Variants in NDUFB6 observed in about 807,000 individuals in gnomAD.
NDUFB6 encodes NADH:ubiquinone oxidoreductase subunit B6, also known as NADH dehydrogenase [ubiquinone] 1 beta subcomplex subunit 6.
NDUFB6 carries 23 observed loss-of-function variants against 17.5 expected under a neutral mutation model. The ratio of observed to expected loss-of-function variants is 1.31; its 90% CI spans 0.94 to 1.86. The LOEUF (loss-of-function observed/expected upper bound fraction) is 1.86. Among genes scored for constraint, NDUFB6 ranks in the 40% most tolerant of loss-of-function variants. The pLI is 0.00. For missense variants in NDUFB6, 167 were observed against 153.8 expected, an observed-to-expected ratio of 1.09 and a Z score of -0.46; for synonymous variants, 60 against 53.5, an observed-to-expected ratio of 1.12 and a Z score of -0.53.
At position 32,553,034 on chromosome 9, in the gene NDUFB6, T is replaced by C. The variant is rs1467205139; in HGVS notation, c.*842A>G. ...CCAAGTTTATTTTTGCATTATCCTT[T>C]ATAACAAGCACTAGTATGCAAATTT... On this transcript the variant is annotated 3_prime_UTR_variant, in exon 4 of 4. Coordinates refer to ENST00000379847, the MANE Select transcript of NDUFB6 (RefSeq NM_002493.5). The C allele has an allele frequency of 3.5e-6, 2 of 573,256 alleles. No homozygotes were observed. The highest frequency in any genetic ancestry group is 3.3e-5 in the Admixed American group (1 of 30,666). The allele number at this position is 573,256 out of a possible 1,614,324, so 35.5% of individuals were successfully genotyped here.
chr9:32,568,912 A>G (rs1821881234), intron 2 of NDUFB6, among the ~76,000 whole-genome samples: 1 of 151,254 alleles, frequency 6.6e-6, no homozygotes, highest in African/African-American at 2.4e-5. Flanking sequence ...TACTACTCCC[A>G]GCTAATTTTT....
At chr9:32,567,320 T>C (rs892577415) in intron 2 of NDUFB6, 4 of 469,778 alleles carry the variant, frequency 8.5e-6, no homozygotes, top group Non-Finnish European at 1.8e-5. Context: ...CTCTGTGCCA[T>C]ATTTTGGTAA....
intron 3 of NDUFB6, among the ~76,000 whole-genome samples, 163 bp downstream of exon 3, chr9:32,558,746 GT>G (rs142936680): frequency 1.3e-5 from 2 of 150,774 alleles, no homozygotes; most frequent in Non-Finnish European, 3.0e-5. Flanking sequence ...ATTTCTTCCT[GT>G]TTTTTTTTGT....
intron 3 of NDUFB6, among the ~76,000 whole-genome samples, chr9:32,557,023 T>C: frequency 6.7e-6 from 1 of 150,282 alleles, no homozygotes; most frequent in East Asian, 2.0e-4. Flanking sequence ...AGCTAATTTT[T>C]GTATTTTTAT....
At position 32,553,579 on chromosome 9, in the gene NDUFB6, A is replaced by G. The variant is rs1244667685; in HGVS notation, c.*297T>C. The stretch of plus-strand genomic sequence containing the variant: ...TCACTGTTGCATACCCTGATACCAA[A>G]TTAGTGTAAGTACTGTGTAAGAAAA... On this transcript the variant is annotated 3_prime_UTR_variant, in exon 4 of 4. Coordinates refer to ENST00000379847, the MANE Select transcript of NDUFB6 (RefSeq NM_002493.5). The G allele has an allele frequency of 3.3e-6, 1 of 303,094 alleles. No individual in the cohort carries two copies. The highest frequency in any genetic ancestry group is 8.7e-5 in the East Asian group (1 of 11,512). 18.8% of individuals were successfully genotyped at this position (303,094 alleles called of 1,614,324 possible).
chr9:32,562,010 C>G (rs752082889), intron 2 of NDUFB6, among the ~76,000 whole-genome samples: 1 of 152,174 alleles, frequency 6.6e-6, no homozygotes, highest in Non-Finnish European at 1.5e-5. Context: ...CTTCCCATTG[C>G]CTATCACATG....
At chr9:32,557,136 G>A (rs1821482315) in intron 3 of NDUFB6, among the ~76,000 whole-genome samples, 1 of 147,898 alleles carries the variant, frequency 6.8e-6, no homozygotes, top group South Asian at 2.1e-4. Flanking sequence ...GGCATTACAG[G>A]TGTTAGCCAC....
At chr9:32,557,543 G>A (rs1587637931) in intron 3 of NDUFB6, among the ~76,000 whole-genome samples, 2 of 150,872 alleles carry the variant, frequency 1.3e-5, no homozygotes, top group East Asian at 2.0e-4. Context: ...GCAGTGCCAC[G>A]ATCTCAGCTC....
intron 3 of NDUFB6, among the ~76,000 whole-genome samples, chr9:32,558,409 C>A (rs1043900938): frequency 6.6e-6 from 1 of 152,124 alleles, no homozygotes; most frequent in Non-Finnish European, 1.5e-5. Context: ...CTGTGCCTGG[C>A]CCATAGTATA....
chr9:32,566,950 AG>A (rs2119028807), intron 2 of NDUFB6: 1 of 525,354 alleles, frequency 1.9e-6, no homozygotes, highest in Non-Finnish European at 3.6e-6. Context: ...TGAGGTGAGC[AG>A]CACCAGCTCG....
chr9:32,564,355 C>T (rs966881459), intron 2 of NDUFB6, among the ~76,000 whole-genome samples: 1 of 152,026 alleles, frequency 6.6e-6, no homozygotes, highest in Non-Finnish European at 1.5e-5. Context: ...TTGCACTTTG[C>T]TTTACTGCAC....
rs754587952 is a variant in NDUFB6 at position 32,572,907 on chromosome 9, C to A, written c.154G>T (p.Glu52Ter). The change falls in exon 1 of 4, where the codon GAG becomes TAG. Residue 52 changes from glutamate to a stop codon, truncating the protein, a stop_gained. Transcript: ENST00000379847. LOFTEE classifies it high-confidence loss of function. ...PMEKFWNKFL[E>*]NKSPWRKMVH... ...ATTTTCCTCCAAGGGGATTTATTCT[C>A]CAAAAATTTATTCCAGAATTTCTCC... 6.2e-7 allele frequency: 1 copy of A among 1,602,406 alleles called. No homozygotes were observed. The highest frequency in any genetic ancestry group is 1.1e-5 in the South Asian group (1 of 90,160).
chr9:32,562,064 T>C (rs866994535), intron 2 of NDUFB6, among the ~76,000 whole-genome samples: 13 of 152,314 alleles, frequency 8.5e-5, no homozygotes, highest in African/African-American at 2.9e-4. Flanking sequence ...TTCCATAAAT[T>C]GGTCCCAGGC....
At chr9:32,569,690 T>C (rs1226169350) in intron 2 of NDUFB6, among the ~76,000 whole-genome samples, 1 of 25,874 alleles carries the variant, frequency 3.9e-5, no homozygotes, top group Non-Finnish European at 1.0e-4. Context: ...TTTTTTTTTC[T>C]TTTTTTTTGG....
intron 3 of NDUFB6, among the ~76,000 whole-genome samples, chr9:32,556,407 G>A (rs1424949799): frequency 2.6e-5 from 4 of 152,188 alleles, no homozygotes; most frequent in Admixed American, 2.6e-4. Flanking sequence ...TATTCGATAG[G>A]CACGGCTGTA....
Position 32,553,908 on chromosome 9 carries a change from G to A in NDUFB6, c.355C>T (p.Pro119Ser). 1 of 1,599,362 alleles carries A rather than the reference G, an allele frequency of 6.3e-7. No homozygotes were observed. Among genetic ancestry groups the A allele is most frequent in the Non-Finnish European group, 8.6e-7 (1 of 1,167,796 alleles). Residue 119 changes from proline (P) to serine (S), a missense_variant, in exon 4 of 4, where the codon CCA (proline) becomes TCA (serine). By Grantham distance (74) the Pro-to-Ser change is moderately conservative. Transcript: ENST00000379847. ...TILETGEVIP[P>S]MKEFPDQHH ...TGTTGATCAGGAAATTCTTTCATTGGTGGAATTACTTCTCCAGTCTCCAGA... is the reference window on the plus strand; with the variant it reads ...TGTTGATCAGGAAATTCTTTCATTGATGGAATTACTTCTCCAGTCTCCAGA...
At chr9:32,567,068 C>T in intron 2 of NDUFB6, 1 of 493,466 alleles carries the variant, frequency 2.0e-6, no homozygotes, top group Non-Finnish European at 4.1e-6. Flanking sequence ...GCCCGCCATG[C>T]CAAACTTCCT....
intron 2 of NDUFB6, chr9:32,566,520 G>A: frequency 3.9e-6 from 3 of 769,616 alleles, no homozygotes; most frequent in East Asian, 4.9e-5. Context: ...AGAGACGGCT[G>A]CCACCCTTGG....
chr9:32,566,665 T>G, intron 2 of NDUFB6: 1 of 810,274 alleles, frequency 1.2e-6, no homozygotes, highest in East Asian at 2.4e-5. Context: ...CTCAGGTAAC[T>G]CCGGATCCGG....
Sources: gnomAD v4.1 joint callset for allele counts (sites outside exome capture counted in the v4.1 genomes callset) on GRCh38, gnomAD v4.1.1 for gene constraint, MANE v1.5 for transcripts, NCBI Gene and HGNC (gene_info 2026-07-23, HGNC 2026-07-21) for gene names.